Variants in PHF24 observed in about 807,000 individuals in gnomAD.
PHF24 encodes PHD finger protein 24.
A neutral mutation model predicts 42.6 loss-of-function variants in PHF24; 25 were observed. The ratio of observed to expected loss-of-function variants is 0.59; its 90% CI spans 0.43 to 0.82. The LOEUF is 0.82. Among genes scored for constraint, PHF24 ranks in the 40% least tolerant of loss-of-function variants. The pLI, the probability that PHF24 is intolerant of heterozygous loss-of-function variation, is 0.00. For missense variants in PHF24, 470 were observed against 538.1 expected (o/e 0.87, Z 1.25); for synonymous variants, 185 against 204.8 (o/e 0.90, Z 0.83).
At chr9:34,913,373 C>A in the PHF24 span, among the ~76,000 whole-genome samples, 1 of 152,214 alleles carries the variant, frequency 6.6e-6, no homozygotes, top group East Asian at 1.9e-4. Flanking sequence ...TTCAAGAAAA[C>A]CATGCCCTAA....
At chr9:34,680,707 TAAAA>T in the PHF24 span, among the ~76,000 whole-genome samples, 11 of 60,086 alleles carry the variant, frequency 1.8e-4, no homozygotes, top group South Asian at 9.6e-4. Context: ...AATAAATAAA[TAAAA>T]AAAAAAATAA....
At chr9:34,781,553 A>G in the PHF24 span, among the ~76,000 whole-genome samples, 1 of 152,192 alleles carries the variant, frequency 6.6e-6, no homozygotes, top group Non-Finnish European at 1.5e-5. Context: ...TGTGAATGTA[A>G]CTAACATTAC....
the PHF24 span, among the ~76,000 whole-genome samples, chr9:34,880,129 C>A: frequency 4.6e-5 from 7 of 152,118 alleles, no homozygotes; most frequent in African/African-American, 7.2e-5. Flanking sequence ...GAAATAAAAT[C>A]CTTTACAGAC....
chr9:34,928,167 A>C, the PHF24 span, among the ~76,000 whole-genome samples: 471 of 151,020 alleles, frequency 3.1e-3, 4 homozygotes, highest in Non-Finnish European at 6.0e-3. Flanking sequence ...AGTAAGCTGA[A>C]ATCACGCCAT....
At chr9:34,689,674 A>C in the PHF24 span, 8 of 878,452 alleles carry the variant, frequency 9.1e-6, no homozygotes, top group African/African-American at 1.3e-4. This position sits in a 1 kb window ranked among gnomAD's most constrained non-coding sequence, Gnocchi z 4.1. Flanking sequence ...ACACTCACAC[A>C]CACCCCAGGC....
the PHF24 span, among the ~76,000 whole-genome samples, chr9:34,805,314 A>C: frequency 6.6e-6 from 1 of 152,212 alleles, no homozygotes; most frequent in Admixed American, 6.5e-5. Flanking sequence ...ACCATTTTAC[A>C]TTCTCATCAG....
chr9:34,692,044 T>G, the PHF24 span, among the ~76,000 whole-genome samples: 2 of 152,086 alleles, frequency 1.3e-5, no homozygotes, highest in Non-Finnish European at 2.9e-5. Context: ...ATCTTAAAAT[T>G]TCAAGGAATC....
upstream of PHF24, among the ~76,000 whole-genome samples, chr9:34,955,494 T>C (rs903753605): frequency 2.0e-5 from 3 of 152,148 alleles, no homozygotes; most frequent in African/African-American, 7.2e-5. Context: ...CTGGCCAACA[T>C]GGCGAAACCC....
At chr9:34,710,052 C>T in the PHF24 span, 2 of 1,613,796 alleles carry the variant, frequency 1.2e-6, no homozygotes, top group Non-Finnish European at 1.7e-6. Context: ...GGCTCAGAGC[C>T]AGTGACTGAG....
the PHF24 span, among the ~76,000 whole-genome samples, chr9:34,788,509 TTTATGA>T: frequency 6.6e-6 from 1 of 152,306 alleles, no homozygotes; most frequent in Middle Eastern, 3.4e-3. Context: ...AAATACCAGC[TTTATGA>T]ATTGTCTTCT....
chr9:34,860,852 G>T, the PHF24 span, among the ~76,000 whole-genome samples: 1 of 152,122 alleles, frequency 6.6e-6, no homozygotes, highest in African/African-American at 2.4e-5. Flanking sequence ...ATAAAACTGG[G>T]CAAAGTACAT....
At chr9:34,882,702 C>T in the PHF24 span, among the ~76,000 whole-genome samples, 3 of 152,034 alleles carry the variant, frequency 2.0e-5, no homozygotes, top group East Asian at 3.9e-4. Flanking sequence ...TACTGCTCAA[C>T]GAAATAAAAG....
the PHF24 span, among the ~76,000 whole-genome samples, chr9:34,903,928 T>A: frequency 1.3e-5 from 2 of 152,248 alleles, no homozygotes; most frequent in Non-Finnish European, 2.9e-5. Flanking sequence ...ATTTTATTTT[T>A]ATTTTTTTTC....
At chr9:34,954,090 G>A (rs1373498763), upstream of PHF24, among the ~76,000 whole-genome samples, 1 of 151,894 alleles carries the variant, frequency 6.6e-6, no homozygotes, top group Non-Finnish European at 1.5e-5. Flanking sequence ...CAGGAGGATA[G>A]CATGAGCCCA....
chr9:34,827,329 G>C, the PHF24 span, among the ~76,000 whole-genome samples: 1 of 152,208 alleles, frequency 6.6e-6, no homozygotes, highest in Admixed American at 6.5e-5. Flanking sequence ...CTTTGGGGAT[G>C]CTTTAGAAAA....
chr9:34,666,061 C>T, the PHF24 span: 2 of 272,238 alleles, frequency 7.3e-6, no homozygotes, highest in Non-Finnish European at 7.1e-6. Flanking sequence ...GTTACTATTA[C>T]GTCACAGGGA....
chr9:34,933,125 C>G, the PHF24 span, among the ~76,000 whole-genome samples: 4 of 151,722 alleles, frequency 2.6e-5, no homozygotes, highest in Admixed American at 2.6e-4. Flanking sequence ...GCCCTGCTAA[C>G]GAACTCCTTT....
intron 1 of PHF24, among the ~76,000 whole-genome samples, chr9:34,968,434 C>T (rs2132886146): frequency 6.6e-6 from 1 of 152,224 alleles, no homozygotes; most frequent in East Asian, 1.9e-4. Context: ...TGTGCCACTG[C>T]CCTTTAAGGC....
the PHF24 span, among the ~76,000 whole-genome samples, chr9:34,893,614 G>A: frequency 6.6e-6 from 1 of 150,690 alleles, no homozygotes; most frequent in African/African-American, 2.4e-5. Flanking sequence ...AAAAAAAAAA[G>A]AAAAAAGAAA....
Sources: gnomAD v4.1 joint callset for allele counts (sites outside exome capture counted in the v4.1 genomes callset) on GRCh38, gnomAD v4.1.1 for gene constraint, Gnocchi (gnomAD v3.1) non-coding constraint, MANE v1.5 for transcripts, NCBI Gene and HGNC (gene_info 2026-07-23, HGNC 2026-07-21) for gene names.